Variants in AP2B1 observed in about 807,000 individuals in gnomAD.
AP2B1 encodes the protein adaptor related protein complex 2 subunit beta 1, also known as AP-2 complex subunit beta.
A neutral mutation model predicts 102.0 loss-of-function variants in AP2B1; 23 were observed. The observed-to-expected ratio is 0.23, with a 90% confidence interval of 0.16 to 0.32. The LOEUF (loss-of-function observed/expected upper bound fraction) is 0.32, where lower values mean the gene tolerates loss of function less well. AP2B1 is among the 10% of genes least tolerant of loss of function. The pLI, the probability that AP2B1 is intolerant of heterozygous loss-of-function variation, is 1.00. For missense variants in AP2B1, 541 were observed against 1,157.4 expected (o/e 0.47, Z 7.73); for synonymous variants, 381 against 421.2 (o/e 0.90, Z 1.17).
intron 11 of AP2B1, among the ~76,000 whole-genome samples, chr17:35,640,755 AT>A (rs1249845342): frequency 1.3e-5 from 2 of 152,190 alleles, no homozygotes; most frequent in Non-Finnish European, 2.9e-5. Flanking sequence ...GGAACCACAC[AT>A]TGACAACCAC....
chr17:35,643,699 T>C (rs1311930542), intron 12 of AP2B1, among the ~76,000 whole-genome samples: 2 of 152,194 alleles, frequency 1.3e-5, no homozygotes, highest in African/African-American at 4.8e-5. Context: ...CCTAATAAAA[T>C]TGCTTTTACT....
At position 35,682,687 on chromosome 17, in the gene AP2B1, T is replaced by C; in HGVS notation, c.2325-8T>C. On this transcript the variant is annotated splice_polypyrimidine_tract_variant and splice_region_variant and intron_variant, in intron 17 of 21. Transcript: ENST00000610402. ...TAACCTCTGTGATTTATGTATCCTC[T>C]CTTCTAGCTTTGGTGTCATCCCCAG... The C allele has an allele frequency of 1.2e-6, 2 of 1,605,888 alleles. No individual in the cohort carries two copies. The highest frequency in any genetic ancestry group is 1.7e-6 in the Non-Finnish European group (2 of 1,174,700).
intron 3 of AP2B1, among the ~76,000 whole-genome samples, chr17:35,600,090 TA>T (rs1165378337): frequency 7.2e-5 from 11 of 151,906 alleles, no homozygotes; most frequent in Admixed American, 3.3e-4. Flanking sequence ...TATTTATCAT[TA>T]TTTTTTTTGA....
intron 5 of AP2B1, chr17:35,621,348 CTG>C (rs2074171426): frequency 1.0e-6 from 1 of 985,202 alleles, no homozygotes; most frequent in Non-Finnish European, 1.2e-6. Flanking sequence ...ACCAGGAAAA[CTG>C]AGAGTGCTGC....
At chr17:35,657,493 T>G in intron 13 of AP2B1, 106 bp from the exon 14 acceptor site, 1 of 772,486 alleles carries the variant, frequency 1.3e-6, no homozygotes, top group Non-Finnish European at 2.0e-6. Context: ...TTCCCCCTTG[T>G]ATTTGATAGT....
chr17:35,712,284 C>T (rs1337521294), intron 20 of AP2B1, among the ~76,000 whole-genome samples: 2 of 152,124 alleles, frequency 1.3e-5, no homozygotes, highest in African/African-American at 4.8e-5. Flanking sequence ...GGAGTTGGTT[C>T]AATGGCAACA....
At chr17:35,714,423 T>C (rs2076511276) in intron 20 of AP2B1, among the ~76,000 whole-genome samples, 1 of 152,228 alleles carries the variant, frequency 6.6e-6, no homozygotes, top group Non-Finnish European at 1.5e-5. Context: ...CCCTTGTTGC[T>C]GTCAGAGGAT....
At chr17:35,663,360 C>T (rs1288407484) in intron 14 of AP2B1, among the ~76,000 whole-genome samples, 2 of 152,200 alleles carry the variant, frequency 1.3e-5, no homozygotes, top group African/African-American at 4.8e-5. Context: ...TTCTAATCCT[C>T]AGAACAACTC....
At chr17:35,659,589 T>G (rs2075312577) in intron 14 of AP2B1, among the ~76,000 whole-genome samples, 1 of 152,210 alleles carries the variant, frequency 6.6e-6, no homozygotes, top group Admixed American at 6.5e-5. Flanking sequence ...CACAGGCCTA[T>G]TTCCTTTTTT....
intron 14 of AP2B1, among the ~76,000 whole-genome samples, chr17:35,668,706 TTC>T (rs971976279): frequency 2.6e-5 from 4 of 152,260 alleles, no homozygotes; most frequent in African/African-American, 9.6e-5. Flanking sequence ...CTTTTCATTC[TTC>T]CATGCTTTCT....
intron 2 of AP2B1, chr17:35,596,971 GTGCGCCTTTCGGAGAGGAGCC>G: frequency 1.5e-6 from 1 of 674,132 alleles, no homozygotes; most frequent in South Asian, 1.4e-5. Flanking sequence ...AAGCTGTCTC[GTGCGCCTTTCGGAGAGGAGCC>G]TGGCGCCTGC....
At chr17:35,590,820 T>TA (rs2073070487) in intron 1 of AP2B1, among the ~76,000 whole-genome samples, 1 of 152,094 alleles carries the variant, frequency 6.6e-6, no homozygotes, top group Non-Finnish European at 1.5e-5. Context: ...GATAATGAAA[T>TA]ATGTGAGCTA....
chr17:35,680,704 T>TTTG (rs2075804747), intron 17 of AP2B1, among the ~76,000 whole-genome samples: 1 of 147,920 alleles, frequency 6.8e-6, no homozygotes, highest in African/African-American at 2.5e-5. Context: ...TTTTTTGTTT[T>TTTG]TTTTTTTTTT....
intron 9 of AP2B1, among the ~76,000 whole-genome samples, chr17:35,635,997 AT>A (rs5820123): frequency 5.7e-4 from 84 of 148,014 alleles, no homozygotes; most frequent in Admixed American, 6.7e-4. Context: ...CCTTGGTAGT[AT>A]TTTTTTTTTT....
chr17:35,632,349 G>T (rs1462457808), intron 9 of AP2B1, among the ~76,000 whole-genome samples: 1 of 152,060 alleles, frequency 6.6e-6, no homozygotes, highest in Non-Finnish European at 1.5e-5. Flanking sequence ...TGGCTATGCT[G>T]GTCTTGAACT....
chr17:35,636,524 G>C, intron 10 of AP2B1, 68 bp downstream of exon 10: 1 of 1,190,154 alleles, frequency 8.4e-7, no homozygotes, highest in Non-Finnish European at 1.2e-6. Flanking sequence ...CTTTGAAATT[G>C]CCTAGGTAAG....
intron 9 of AP2B1, among the ~76,000 whole-genome samples, chr17:35,633,799 A>G (rs1187027202): frequency 1.3e-5 from 2 of 152,174 alleles, no homozygotes; most frequent in African/African-American, 4.8e-5. Flanking sequence ...TACATGTTCA[A>G]TTGTCCCTAA....
At chr17:35,658,403 C>G (rs758836166) in intron 14 of AP2B1, among the ~76,000 whole-genome samples, 2 of 151,576 alleles carry the variant, frequency 1.3e-5, no homozygotes, top group Non-Finnish European at 2.9e-5. Flanking sequence ...TAATTAGCTT[C>G]CAGGATTCTA....
intron 1 of AP2B1, 32 bp from the exon 2 acceptor site, chr17:35,593,976 C>T (rs2073180607): frequency 3.1e-6 from 4 of 1,298,880 alleles, no homozygotes; most frequent in South Asian, 1.4e-5. Flanking sequence ...TATCTATAAC[C>T]TGAATGAAGG....
Sources: allele counts gnomAD v4.1 joint callset (sites outside exome capture counted in the v4.1 genomes callset), GRCh38; gene constraint gnomAD v4.1.1; transcripts MANE v1.5; gene names NCBI Gene and HGNC (gene_info 2026-07-23, HGNC 2026-07-21).